Variants in LRBA observed in about 807,000 individuals in gnomAD.
LRBA encodes LPS responsive beige-like anchor protein, also known as lipopolysaccharide-responsive and beige-like anchor protein.
LRBA carries 176 observed loss-of-function variants against 330.0 expected under a neutral mutation model. The observed-to-expected ratio is 0.53, with a 90% confidence interval of 0.47 to 0.60. LRBA has a LOEUF of 0.60. LRBA is among the 20% of genes least tolerant of loss of function. The probability of loss-of-function intolerance (pLI) is 0.00; values close to 1 mark genes in which losing one functional copy is unlikely to be tolerated. For synonymous variants in LRBA, 1,230 were observed against 1,193.0 expected, an observed-to-expected ratio of 1.03 and a Z score of -0.64; for missense variants, 3,259 against 3,444.8, an observed-to-expected ratio of 0.95 and a Z score of 1.35.
Position 150,857,124 on chromosome 4 carries a change from C to A in LRBA, c.2767-4181G>T, listed in dbSNP as rs551968719. Reference sequence around the variant, plus strand: ...GTCTGTTTTCATATGAAAATACCAGCTAAATATGATGTTAACTTCTGATTA... The same window carrying A: ...GTCTGTTTTCATATGAAAATACCAGATAAATATGATGTTAACTTCTGATTA... On this transcript the variant is annotated intron_variant, in intron 22 of 56. Coordinates refer to ENST00000651943, the MANE Select transcript of LRBA (RefSeq NM_001364905.1). Among the ~76,000 whole-genome samples the A allele has an allele frequency of 4.3e-3, 649 of 152,202 alleles. 4 individuals are homozygous for A. The highest frequency in any genetic ancestry group is 0.015 in the African/African-American group (628 of 41,550).
intron 52 of LRBA, among the ~76,000 whole-genome samples, chr4:150,304,337 A>C (rs978262593): frequency 1.3e-5 from 2 of 152,164 alleles, no homozygotes; most frequent in South Asian, 4.1e-4. Context: ...GCTTATTATG[A>C]AGGCTGAAAA....
chr4:150,447,043 G>A (rs1752696730), intron 44 of LRBA, among the ~76,000 whole-genome samples: 1 of 152,108 alleles, frequency 6.6e-6, no homozygotes, highest in South Asian at 2.1e-4. Context: ...AGAAACCACT[G>A]CACCTGCAAT....
chr4:150,563,777 ATT>A (rs1466710275), intron 40 of LRBA, among the ~76,000 whole-genome samples: 3 of 152,170 alleles, frequency 2.0e-5, no homozygotes, highest in Non-Finnish European at 4.4e-5. Context: ...GAGAACTCCC[ATT>A]CACAATTGCA....
chr4:150,520,235 T>C (rs1257382628), intron 40 of LRBA, among the ~76,000 whole-genome samples: 1 of 152,200 alleles, frequency 6.6e-6, no homozygotes, highest in Non-Finnish European at 1.5e-5. Context: ...AATATATTTT[T>C]TAAAGGCAGC....
In LRBA at chr4:150,916,394, C is replaced by A; in HGVS notation, c.894+7G>T. ...TAACATAACTATGACTCAAGAAGAT[C>A]ATGTACCTTTTGTGGCTTGAAATCA... On this transcript the variant is annotated splice_region_variant and intron_variant, in intron 7 of 56. Coordinates refer to ENST00000651943, the MANE Select transcript of LRBA (RefSeq NM_001364905.1). The A allele has an allele frequency of 6.2e-7, 1 of 1,612,148 alleles. No individual in the cohort carries two copies. Among genetic ancestry groups the A allele is most frequent in the East Asian group, 2.2e-5 (1 of 44,742 alleles).
chr4:150,364,336 A>T (rs1739130744), intron 47 of LRBA, among the ~76,000 whole-genome samples: 4 of 152,230 alleles, frequency 2.6e-5, no homozygotes, highest in Admixed American at 2.6e-4. Flanking sequence ...ATTTTATTTA[A>T]TCCTTACAAT....
chr4:150,325,039 C>T (rs913315441), intron 49 of LRBA, among the ~76,000 whole-genome samples: 1 of 152,004 alleles, frequency 6.6e-6, no homozygotes, highest in African/African-American at 2.4e-5. Flanking sequence ...CTTGCTTTGA[C>T]CAATGAAATG....
At chr4:150,638,531 A>G (rs1012380835) in intron 37 of LRBA, among the ~76,000 whole-genome samples, 2 of 152,220 alleles carry the variant, frequency 1.3e-5, no homozygotes, top group African/African-American at 4.8e-5. Flanking sequence ...AGAATACTTA[A>G]GAACACATAA....
intron 40 of LRBA, among the ~76,000 whole-genome samples, chr4:150,548,263 CTT>C (rs1333445225): frequency 1.3e-5 from 2 of 152,154 alleles, no homozygotes; most frequent in African/African-American, 4.8e-5. Flanking sequence ...CCAAACCACT[CTT>C]TGTTAGGCTG....
rs574092049 is a variant in LRBA at position 150,431,651 on chromosome 4, TA to T, written c.7041+3937del. On this transcript the variant is annotated intron_variant, in intron 46 of 56. Transcript: ENST00000651943. Reference sequence around the variant, plus strand: ...TACGGTTAAGATAAATTATTAAAATTAATTTTTTTTTACTTTTAAAAATACG... The same window carrying T: ...TACGGTTAAGATAAATTATTAAAATTATTTTTTTTTACTTTTAAAAATACG... Among the ~76,000 whole-genome samples, 17 of 152,280 alleles carry T rather than the reference TA, an allele frequency of 1.1e-4. 1 individual carries two copies. Among genetic ancestry groups the T allele is most frequent in the Middle Eastern group, 6.8e-3 (2 of 294 alleles).
chr4:150,501,902 C>A (rs757908283), intron 40 of LRBA, among the ~76,000 whole-genome samples: 15 of 152,118 alleles, frequency 9.9e-5, no homozygotes, highest in South Asian at 2.1e-4. Context: ...AATTGTGACA[C>A]CTATTAATGC....
chr4:150,327,609 T>C (rs1733465724), intron 48 of LRBA, among the ~76,000 whole-genome samples: 1 of 152,230 alleles, frequency 6.6e-6, no homozygotes, highest in African/African-American at 2.4e-5. Context: ...CTGTGACACT[T>C]ATCTGCTGTT....
At chr4:150,287,620 G>C (rs1748302205) in intron 53 of LRBA, among the ~76,000 whole-genome samples, 1 of 152,196 alleles carries the variant, frequency 6.6e-6, no homozygotes, top group Non-Finnish European at 1.5e-5. Flanking sequence ...GGTGACTGTA[G>C]GTAATCCTGA....
intron 47 of LRBA, among the ~76,000 whole-genome samples, chr4:150,372,885 G>A (rs921450759): frequency 1.3e-5 from 2 of 151,332 alleles, no homozygotes; most frequent in Admixed American, 6.6e-5. Context: ...GTGACAGTGG[G>A]AGTTCGAAGA....
chr4:150,507,965 A>G (rs1761321287), intron 40 of LRBA, among the ~76,000 whole-genome samples: 1 of 151,582 alleles, frequency 6.6e-6, no homozygotes, highest in Admixed American at 6.6e-5. Context: ...TTCTCAGCAA[A>G]CTATTGCCAA....
chr4:150,486,330 G>GT (rs1377080164), intron 42 of LRBA, among the ~76,000 whole-genome samples: 1 of 151,590 alleles, frequency 6.6e-6, no homozygotes, highest in Non-Finnish European at 1.5e-5. Flanking sequence ...ATGCAATTTG[G>GT]TTTTTTCTTC....
intron 32 of LRBA, among the ~76,000 whole-genome samples, chr4:150,807,496 G>A (rs1742971084): frequency 6.6e-6 from 1 of 152,138 alleles, no homozygotes; most frequent in South Asian, 2.1e-4. Context: ...GTCTCCAGTG[G>A]TGGAAAATAC....
chr4:150,915,969 C>T (rs1377177595), intron 7 of LRBA, among the ~76,000 whole-genome samples: 1 of 151,720 alleles, frequency 6.6e-6, no homozygotes, highest in Non-Finnish European at 1.5e-5. Flanking sequence ...TCAAACATAC[C>T]CCAAAAATCT....
At chr4:150,706,579 G>C (rs938079585) in intron 36 of LRBA, among the ~76,000 whole-genome samples, 5 of 146,242 alleles carry the variant, frequency 3.4e-5, no homozygotes, top group South Asian at 2.2e-4. Context: ...ATCCATGAGA[G>C]AAAATATCCA....
Sources: allele counts gnomAD v4.1 joint callset (sites outside exome capture counted in the v4.1 genomes callset), GRCh38; gene constraint gnomAD v4.1.1; transcripts MANE v1.5; gene names NCBI Gene and HGNC (gene_info 2026-07-23, HGNC 2026-07-21).